PRR16: variants seen among roughly 807,000 people sequenced by gnomAD.
The protein encoded by PRR16 is protein Largen.
In PRR16, 6 loss-of-function variants were observed where a neutral mutation model predicts 18.2. The observed-to-expected ratio is 0.33, with a 90% confidence interval of 0.18 to 0.65. The LOEUF (loss-of-function observed/expected upper bound fraction) is 0.65. Ranked by LOEUF, PRR16 falls within the 30% of genes least tolerant of loss-of-function variation. The pLI, the probability that PRR16 is intolerant of heterozygous loss-of-function variation, is 0.74. For missense variants in PRR16, 412 were observed against 376.6 expected, an observed-to-expected ratio of 1.09 and a Z score of -0.78; for synonymous variants, 151 against 147.8, an observed-to-expected ratio of 1.02 and a Z score of -0.16.
intron 1 of PRR16, among the ~76,000 whole-genome samples, chr5:120,585,601 G>A (rs1753413898): frequency 6.7e-6 from 1 of 149,938 alleles, no homozygotes; most frequent in Non-Finnish European, 1.5e-5. Flanking sequence ...CTGGCAGACA[G>A]AGTGAGACTT....
intron 1 of PRR16, among the ~76,000 whole-genome samples, chr5:120,665,536 T>G (rs181284570): frequency 4.0e-5 from 6 of 151,702 alleles, no homozygotes; most frequent in African/African-American, 1.2e-4. Flanking sequence ...CTTGCCCATG[T>G]CTATGTCCTG....
chr5:120,602,825 G>A (rs1258899083), intron 1 of PRR16, among the ~76,000 whole-genome samples: 4 of 151,896 alleles, frequency 2.6e-5, no homozygotes, highest in African/African-American at 7.2e-5. Context: ...AGTTGATTAT[G>A]TGGTTTATAT....
chr5:120,686,708 G>A lies in PRR16; in HGVS notation c.914G>A (p.Ter305=). 6 of 1,463,430 alleles carry A rather than the reference G, an allele frequency of 4.1e-6. No individual in the cohort carries two copies. The highest frequency in any genetic ancestry group is 5.4e-6 in the Non-Finnish European group (6 of 1,103,830). The allele number at this position is 1,463,430 out of a possible 1,614,324, so 90.7% of individuals were successfully genotyped here. ...ILRKSTTTTV[*] is the part of the protein sequence containing the mutation. ...AGGAAGTCAACCACTACAACCGTGT[G>A]ATGTATGCCATTAAAAAAATTGTTT... The change falls in exon 2 of 2, where the codon TGA becomes TAA. Residue 305 remains the stop codon, a stop_retained_variant. Transcript: ENST00000407149.
chr5:120,557,484 A>T (rs1752452203), intron 1 of PRR16, among the ~76,000 whole-genome samples: 2 of 151,854 alleles, frequency 1.3e-5, no homozygotes, highest in African/African-American at 2.4e-5. Context: ...TCAAATGATC[A>T]TTACTAATAC....
At chr5:120,703,710 ATAT>A in the PRR16 span, among the ~76,000 whole-genome samples, 1 of 152,096 alleles carries the variant, frequency 6.6e-6, no homozygotes, top group Non-Finnish European at 1.5e-5. Context: ...AGATTTGAAA[ATAT>A]TATTTTTATG....
chr5:120,673,457 G>C (rs1348148183), intron 1 of PRR16, among the ~76,000 whole-genome samples: 1 of 152,134 alleles, frequency 6.6e-6, no homozygotes, highest in African/African-American at 2.4e-5. Flanking sequence ...ACAAATTATA[G>C]AGTTAAAATT....
chr5:120,551,319 C>T (rs1429523505), intron 1 of PRR16, among the ~76,000 whole-genome samples: 1 of 151,926 alleles, frequency 6.6e-6, no homozygotes. Flanking sequence ...CAGGTTCATC[C>T]ATGTTTCTTC....
chr5:120,648,813 A>G (rs1164757679), intron 1 of PRR16, among the ~76,000 whole-genome samples: 3 of 152,118 alleles, frequency 2.0e-5, no homozygotes, highest in African/African-American at 7.2e-5. Context: ...TTACAGTGTC[A>G]GTACTCCCAT....
At chr5:120,719,511 CA>C in the PRR16 span, among the ~76,000 whole-genome samples, 2 of 151,948 alleles carry the variant, frequency 1.3e-5, no homozygotes, top group East Asian at 1.9e-4. Context: ...CGCAAAAGGA[CA>C]GAGAGATATG....
chr5:120,464,453 G>T lies in PRR16; in HGVS notation c.-34G>T, dbSNP rs760059231. On this transcript the variant is annotated 5_prime_UTR_variant, in exon 1 of 2. Coordinates refer to ENST00000407149, the MANE Select transcript of PRR16 (RefSeq NM_001300783.2). Reference sequence around the variant, plus strand: ...GGCACGCAGCAGCCTCCGCTCGCCCGCCTGTCCTGACCTGCCTCGCTTGCC... The same window carrying T: ...GGCACGCAGCAGCCTCCGCTCGCCCTCCTGTCCTGACCTGCCTCGCTTGCC... 4 of 1,552,358 alleles carry T rather than the reference G, an allele frequency of 2.6e-6. No individual in the cohort carries two copies. The South Asian group carries it at 3.5e-5, about 14-fold the overall frequency.
intron 1 of PRR16, among the ~76,000 whole-genome samples, chr5:120,502,403 A>T (rs1182286267): frequency 2.0e-5 from 3 of 150,854 alleles, no homozygotes; most frequent in Non-Finnish European, 3.0e-5. Context: ...ATTCTAATCC[A>T]TTTGAACTAC....
intron 1 of PRR16, among the ~76,000 whole-genome samples, chr5:120,535,760 A>G (rs1444824153): frequency 1.3e-5 from 2 of 152,048 alleles, no homozygotes; most frequent in Non-Finnish European, 2.9e-5. Context: ...AGATTGTGCC[A>G]CTGTACTCAG....
chr5:120,672,540 A>ATGTGTGTGTG (rs5870916), intron 1 of PRR16, among the ~76,000 whole-genome samples: 4 of 147,300 alleles, frequency 2.7e-5, no homozygotes, highest in Admixed American at 1.4e-4. Flanking sequence ...ATAGATATAT[A>ATGTGTGTGTG]TGTGTGTGTG....
the PRR16 span, among the ~76,000 whole-genome samples, chr5:120,786,780 GCATAGA>G: frequency 6.6e-6 from 1 of 151,740 alleles, no homozygotes; most frequent in Non-Finnish European, 1.5e-5. Context: ...TGCCCTTACT[GCATAGA>G]AATGTTCTCA....
intron 1 of PRR16, among the ~76,000 whole-genome samples, chr5:120,483,764 T>C (rs1437417272): frequency 6.6e-6 from 1 of 152,146 alleles, no homozygotes; most frequent in Non-Finnish European, 1.5e-5. Context: ...GTTTAGTTTA[T>C]CATGAATATA....
chr5:120,755,052 GA>G, the PRR16 span, among the ~76,000 whole-genome samples: 1 of 148,986 alleles, frequency 6.7e-6, no homozygotes, highest in African/African-American at 2.5e-5. Context: ...GTCATTTTGG[GA>G]GGGGGGAGGG....
At chr5:120,680,006 G>A (rs1321997380) in intron 1 of PRR16, among the ~76,000 whole-genome samples, 1 of 152,020 alleles carries the variant, frequency 6.6e-6, no homozygotes, top group Non-Finnish European at 1.5e-5. Context: ...TGCTCTTGTT[G>A]GGGAGAAATG....
At chr5:120,654,545 A>G (rs912932059) in intron 1 of PRR16, among the ~76,000 whole-genome samples, 9 of 151,936 alleles carry the variant, frequency 5.9e-5, no homozygotes, top group African/African-American at 1.4e-4. Context: ...GATACATTGA[A>G]AAGCTAAAAA....
At chr5:120,729,067 T>C in the PRR16 span, among the ~76,000 whole-genome samples, 1 of 152,122 alleles carries the variant, frequency 6.6e-6, no homozygotes, top group Non-Finnish European at 1.5e-5. Flanking sequence ...ATATTTTTGC[T>C]GATTCACTGC....
Sources: gnomAD v4.1 joint callset for allele counts (sites outside exome capture counted in the v4.1 genomes callset) on GRCh38, gnomAD v4.1.1 for gene constraint, MANE v1.5 for transcripts, NCBI Gene and HGNC (gene_info 2026-07-23, HGNC 2026-07-21) for gene names.